Variants in FNDC3B observed in about 807,000 individuals in gnomAD.
FNDC3B encodes fibronectin type III domain-containing protein 3B.
A neutral mutation model predicts 151.5 loss-of-function variants in FNDC3B; 12 were observed. That is an observed-to-expected ratio of 0.08 (90% CI 0.05 to 0.13). The LOEUF is 0.13. Among genes scored for constraint, FNDC3B ranks in the 10% least tolerant of loss-of-function variants. The probability of loss-of-function intolerance (pLI) is 1.00; values close to 1 mark genes in which losing one functional copy is unlikely to be tolerated. For missense variants in FNDC3B, 1,214 were observed against 1,505.3 expected (o/e 0.81, Z 3.20); for synonymous variants, 528 against 549.0 (o/e 0.96, Z 0.54).
At chr3:172,278,358 T>C (rs909901486) in intron 6 of FNDC3B, among the ~76,000 whole-genome samples, 2 of 152,226 alleles carry the variant, frequency 1.3e-5, no homozygotes, top group African/African-American at 4.8e-5. Flanking sequence ...TTGTAAGTTG[T>C]TCTATCCTGT....
chr3:172,055,204 AATTTTTAAGGTTTAT>A (rs1716854152), intron 1 of FNDC3B, among the ~76,000 whole-genome samples: 1 of 152,198 alleles, frequency 6.6e-6, no homozygotes, highest in Non-Finnish European at 1.5e-5. Context: ...AATGGATAAC[AATTTTTAAGGTTTAT>A]ATTTTATTTC....
At chr3:172,146,326 G>T (rs1721906005) in intron 3 of FNDC3B, among the ~76,000 whole-genome samples, 1 of 152,086 alleles carries the variant, frequency 6.6e-6, no homozygotes, top group Non-Finnish European at 1.5e-5. Flanking sequence ...TAACATCTCA[G>T]AATTTTAAAA....
rs1445034433 is a variant in FNDC3B, at chr3:172,249,515, T to C, written c.508+1739T>C. On this transcript the variant is annotated intron_variant, in intron 5 of 25. Coordinates refer to ENST00000415807, the MANE Select transcript of FNDC3B (RefSeq NM_022763.4). ...TCCCTTTATAAATAAGCCATTGATA[T>C]ATTCTTTTACCTTAGTTCTTAGTGT... Among the ~76,000 whole-genome samples, 4 of 152,214 alleles carry C rather than the reference T, an allele frequency of 2.6e-5. No individual in the cohort carries two copies. The East Asian group carries it at 5.8e-4, about 22-fold the overall frequency.
chr3:172,364,391 GA>G (rs1734506762), intron 23 of FNDC3B, among the ~76,000 whole-genome samples: 1 of 152,176 alleles, frequency 6.6e-6, no homozygotes, highest in East Asian at 1.9e-4. Flanking sequence ...TGCTGTTTTA[GA>G]AAAAAGTGAA....
intron 11 of FNDC3B, among the ~76,000 whole-genome samples, chr3:172,328,724 T>C (rs953255875): frequency 6.6e-6 from 1 of 152,214 alleles, no homozygotes; most frequent in East Asian, 1.9e-4. Context: ...ATTACCTGTC[T>C]CAATTACAGA....
intron 3 of FNDC3B, among the ~76,000 whole-genome samples, chr3:172,200,002 TATTCATTC>T (rs1238059887): frequency 3.1e-4 from 47 of 150,872 alleles, no homozygotes; most frequent in Middle Eastern, 3.4e-3. Flanking sequence ...CAATACTTTG[TATTCATTC>T]ATTCATTCAT....
At chr3:172,299,871 T>G (rs1730818705) in intron 9 of FNDC3B, among the ~76,000 whole-genome samples, 1 of 152,220 alleles carries the variant, frequency 6.6e-6, no homozygotes, top group Admixed American at 6.5e-5. Context: ...TAGAACGCTC[T>G]GCCATGATTT....
intron 1 of FNDC3B, among the ~76,000 whole-genome samples, chr3:172,057,135 G>A (rs867936484): frequency 6.6e-6 from 1 of 152,128 alleles, no homozygotes; most frequent in African/African-American, 2.4e-5. Context: ...TTGTAATAAA[G>A]GGGAGTCACT....
intron 1 of FNDC3B, among the ~76,000 whole-genome samples, chr3:172,086,189 C>A (rs991103500): frequency 6.6e-6 from 1 of 151,864 alleles, no homozygotes. Flanking sequence ...AAAGAGATGA[C>A]GTGTCTACAA....
intron 3 of FNDC3B, among the ~76,000 whole-genome samples, chr3:172,189,638 A>C (rs1195773298): frequency 2.0e-5 from 3 of 151,956 alleles, no homozygotes; most frequent in Non-Finnish European, 2.9e-5. Context: ...ACATGGTGAC[A>C]CTCTGTCTAT....
At chr3:172,148,251 CTT>C (rs1722018346) in intron 3 of FNDC3B, among the ~76,000 whole-genome samples, 1 of 151,958 alleles carries the variant, frequency 6.6e-6, no homozygotes, top group East Asian at 1.9e-4. Flanking sequence ...AGTTAGGAAA[CTT>C]ATAAAAAATA....
chr3:172,252,525 A>C (rs1728140964), intron 6 of FNDC3B, among the ~76,000 whole-genome samples: 1 of 151,700 alleles, frequency 6.6e-6, no homozygotes, highest in Non-Finnish European at 1.5e-5. Context: ...TCCTTACTGC[A>C]TCTCATTCAG....
At chr3:172,380,605 C>T (rs1735387691) in intron 24 of FNDC3B, among the ~76,000 whole-genome samples, 1 of 152,142 alleles carries the variant, frequency 6.6e-6, no homozygotes, top group Non-Finnish European at 1.5e-5. Context: ...TCTTAAGTTT[C>T]TTGAAAACAG....
intron 25 of FNDC3B, among the ~76,000 whole-genome samples, chr3:172,396,348 A>G (rs1412426833): frequency 6.6e-6 from 1 of 152,152 alleles, no homozygotes; most frequent in East Asian, 1.9e-4. Context: ...TGGAGGTGGG[A>G]TATCTTGAGG....
chr3:172,259,145 A>C (rs1728518297), intron 6 of FNDC3B, among the ~76,000 whole-genome samples: 1 of 152,246 alleles, frequency 6.6e-6, no homozygotes, highest in South Asian at 2.1e-4. Context: ...TCAAGAAAAC[A>C]TGAGAAAAGT....
At chr3:172,387,900 A>G (rs535563591) in intron 25 of FNDC3B, among the ~76,000 whole-genome samples, 1 of 152,350 alleles carries the variant, frequency 6.6e-6, no homozygotes, top group Admixed American at 6.5e-5. Context: ...TGTGCCCAAC[A>G]TTATGCCCTC....
chr3:172,312,256 A>G (rs767384045), intron 11 of FNDC3B, among the ~76,000 whole-genome samples: 1 of 152,240 alleles, frequency 6.6e-6, no homozygotes, highest in Non-Finnish European at 1.5e-5. Flanking sequence ...CAAGTTACCC[A>G]GAACAACCGT....
chr3:172,173,516 A>G (rs1723383876), intron 3 of FNDC3B, among the ~76,000 whole-genome samples: 1 of 151,542 alleles, frequency 6.6e-6, no homozygotes, highest in African/African-American at 2.4e-5. Flanking sequence ...TTCTGTAGGC[A>G]TGGTGTGGTG....
rs762678746 is a variant in FNDC3B at position 172,215,443 on chromosome 3, G to T, written c.188-11428G>T. Among the ~76,000 whole-genome samples the T allele has an allele frequency of 1.2e-4, 19 of 152,234 alleles. 1 individual carries two copies. Among genetic ancestry groups the T allele is most frequent in the Admixed American group, 1.0e-3 (16 of 15,288 alleles). ...GGCAACCCTGTTAAAAGACTCGGAG[G>T]CTGGGCGTGGTGGCTCACGCCTGTT... On this transcript the variant is annotated intron_variant, in intron 3 of 25. Transcript: ENST00000415807.
Sources: allele counts gnomAD v4.1 joint callset (sites outside exome capture counted in the v4.1 genomes callset), GRCh38; gene constraint gnomAD v4.1.1; transcripts MANE v1.5; gene names NCBI Gene and HGNC (gene_info 2026-07-23, HGNC 2026-07-21).